Variants in RNF150 observed in about 807,000 individuals in gnomAD.
The protein encoded by RNF150 is ring finger protein 150.
RNF150 carries 24 observed loss-of-function variants against 39.3 expected under a neutral mutation model. The ratio of observed to expected loss-of-function variants is 0.61; its 90% confidence interval spans 0.44 to 0.86. The LOEUF (loss-of-function observed/expected upper bound fraction) is 0.86. RNF150 is among the 40% of genes least tolerant of loss of function. RNF150 has a pLI of 0.00. For synonymous variants in RNF150, 255 were observed against 227.3 expected (o/e 1.12, Z -1.10); for missense variants, 502 against 587.8 (o/e 0.85, Z 1.51).
chr4:140,947,278 A>G (rs1309432555), intron 4 of RNF150, among the ~76,000 whole-genome samples: 1 of 152,158 alleles, frequency 6.6e-6, no homozygotes, highest in Non-Finnish European at 1.5e-5. Context: ...AATATTTTTC[A>G]GAGTTTATTA....
At chr4:140,898,806 T>A (rs1388605052) in intron 6 of RNF150, among the ~76,000 whole-genome samples, 2 of 152,230 alleles carry the variant, frequency 1.3e-5, no homozygotes, top group Non-Finnish European at 2.9e-5. Flanking sequence ...AGTACTATTA[T>A]GGGATTATTT....
chr4:140,894,051 A>G (rs2111233195), intron 6 of RNF150, among the ~76,000 whole-genome samples: 1 of 152,320 alleles, frequency 6.6e-6, no homozygotes, highest in African/African-American at 2.4e-5. Context: ...GTCTCTTTCT[A>G]AACTCAGGAA....
intron 1 of RNF150, among the ~76,000 whole-genome samples, chr4:141,142,411 G>A (rs192259141): frequency 1.3e-5 from 2 of 152,240 alleles, no homozygotes; most frequent in South Asian, 2.1e-4. Flanking sequence ...CTGTTAACTG[G>A]AATAGTCCTG....
intron 1 of RNF150, among the ~76,000 whole-genome samples, chr4:141,171,559 A>G (rs1421226115): frequency 6.6e-6 from 1 of 152,132 alleles, no homozygotes; most frequent in Non-Finnish European, 1.5e-5. Flanking sequence ...CCATTACCTC[A>G]GTTAGTCTTA....
intron 1 of RNF150, among the ~76,000 whole-genome samples, chr4:140,980,259 T>C (rs1733811444): frequency 1.3e-5 from 2 of 151,990 alleles, no homozygotes; most frequent in African/African-American, 4.8e-5. Flanking sequence ...GCCATGCTGG[T>C]CTCGAATTCC....
At chr4:141,212,553 A>G (rs1324130217) in intron 1 of RNF150, among the ~76,000 whole-genome samples, 2 of 152,136 alleles carry the variant, frequency 1.3e-5, no homozygotes, top group Non-Finnish European at 2.9e-5. Flanking sequence ...TACAAAGACA[A>G]CACAGAAAAC....
intron 1 of RNF150, among the ~76,000 whole-genome samples, chr4:141,120,501 T>C (rs1217077650): frequency 6.6e-6 from 1 of 152,172 alleles, no homozygotes; most frequent in East Asian, 1.9e-4. Context: ...ACAAGTGGCA[T>C]AGCAAACTGA....
At chr4:140,949,022 G>A (rs529332133) in intron 3 of RNF150, among the ~76,000 whole-genome samples, 1 of 152,100 alleles carries the variant, frequency 6.6e-6, no homozygotes, top group South Asian at 2.1e-4. Flanking sequence ...CAAATTTTAG[G>A]TAATCCATTT....
intron 1 of RNF150, among the ~76,000 whole-genome samples, chr4:141,027,924 TTG>T (rs1491079176): frequency 0.023 from 789 of 34,214 alleles, 104 homozygotes; most frequent in South Asian, 0.047. Context: ...TTTTTTTTTT[TTG>T]TTTTTTTTTT....
chr4:141,126,590 T>C (rs1198526809), intron 1 of RNF150, among the ~76,000 whole-genome samples: 1 of 152,008 alleles, frequency 6.6e-6, no homozygotes, highest in Non-Finnish European at 1.5e-5. Flanking sequence ...AAGAGCCAGA[T>C]GGTAAAAAGT....
chr4:140,989,358 C>T (rs987619780), intron 1 of RNF150, among the ~76,000 whole-genome samples: 3 of 152,054 alleles, frequency 2.0e-5, no homozygotes, highest in African/African-American at 4.8e-5. Flanking sequence ...AAAGAGATGT[C>T]AGATGTAGAC....
chr4:141,112,469 T>C (rs993228700), intron 1 of RNF150, among the ~76,000 whole-genome samples: 2 of 152,194 alleles, frequency 1.3e-5, no homozygotes, highest in Non-Finnish European at 1.5e-5. Context: ...GGATGTTATT[T>C]TCTCCTTTGT....
chr4:141,174,657 C>T (rs1727779640), intron 1 of RNF150, among the ~76,000 whole-genome samples: 1 of 152,022 alleles, frequency 6.6e-6, no homozygotes, highest in African/African-American at 2.4e-5. Context: ...GAAAGGCAGA[C>T]CACAAACTGA....
At chr4:140,997,361 G>A (rs1294169883) in intron 1 of RNF150, among the ~76,000 whole-genome samples, 2 of 152,152 alleles carry the variant, frequency 1.3e-5, no homozygotes, top group Non-Finnish European at 2.9e-5. Context: ...GGTGGCTCAT[G>A]CCTGTAATCC....
intron 1 of RNF150, among the ~76,000 whole-genome samples, chr4:141,071,054 A>T (rs201746883): frequency 1.1e-5 from 1 of 92,322 alleles, no homozygotes; most frequent in Non-Finnish European, 2.3e-5. Context: ...ATGCAGCCAT[A>T]AAAAATGATG....
intron 1 of RNF150, among the ~76,000 whole-genome samples, chr4:141,011,386 CCT>C: frequency 6.6e-6 from 1 of 152,250 alleles, no homozygotes; most frequent in East Asian, 1.9e-4. Context: ...AATGTCTACC[CCT>C]CACTTGAGAT....
At chr4:140,917,038 G>T (rs1477570163) in intron 5 of RNF150, among the ~76,000 whole-genome samples, 1 of 152,142 alleles carries the variant, frequency 6.6e-6, no homozygotes, top group Non-Finnish European at 1.5e-5. Flanking sequence ...AGCTCCTGAA[G>T]GAAGCACTAA....
intron 4 of RNF150, among the ~76,000 whole-genome samples, chr4:140,935,059 TA>T (rs1731805587): frequency 4.1e-5 from 2 of 48,908 alleles, no homozygotes; most frequent in Admixed American, 2.0e-4. Context: ...ATATATATTA[TA>T]TATATATAAT....
chr4:141,139,176 G>A (rs7669929), intron 1 of RNF150, among the ~76,000 whole-genome samples: 35,728 of 152,134 alleles, frequency 0.23, 4,383 homozygotes, highest in African/African-American at 0.29. Context: ...GACCAATCAC[G>A]CCACTGTACT....
Sources: allele counts gnomAD v4.1 joint callset (sites outside exome capture counted in the v4.1 genomes callset), GRCh38; gene constraint gnomAD v4.1.1; transcripts MANE v1.5; gene names NCBI Gene and HGNC (gene_info 2026-07-23, HGNC 2026-07-21).